FIG4: variants seen among roughly 807,000 people sequenced by gnomAD.
FIG4 encodes the protein FIG4 phosphoinositide 5-phosphatase, also known as polyphosphoinositide phosphatase.
In FIG4, 112 loss-of-function variants were observed where a neutral mutation model predicts 118.6. The observed-to-expected ratio is 0.94, with a 90% CI of 0.81 to 1.11. FIG4 has a LOEUF of 1.11. Among genes scored for constraint, FIG4 ranks in the 50% least tolerant of loss-of-function variants. The pLI is 0.00. For synonymous variants in FIG4, 369 were observed against 381.2 expected (o/e 0.97, Z 0.37); for missense variants, 969 against 1,111.7 (o/e 0.87, Z 1.83).
intron 1 of FIG4, among the ~76,000 whole-genome samples, chr6:109,713,636 C>A (rs6917300): frequency 1.3e-5 from 2 of 151,924 alleles, no homozygotes; most frequent in African/African-American, 4.8e-5. Context: ...CATGCGCACA[C>A]GTGCACTGGT....
intron 1 of FIG4, among the ~76,000 whole-genome samples, chr6:109,714,089 G>T (rs538921003): frequency 2.2e-4 from 33 of 152,292 alleles, no homozygotes; most frequent in African/African-American, 7.9e-4. Context: ...ATAAGCCAGC[G>T]TGTTGCCCCT....
chr6:109,705,540 C>A (rs1775041551), intron 1 of FIG4, among the ~76,000 whole-genome samples: 1 of 152,190 alleles, frequency 6.6e-6, no homozygotes, highest in South Asian at 2.1e-4. Flanking sequence ...TGATCTATTT[C>A]CAGATTCTGT....
chr6:109,704,135 C>T (rs988276414), intron 1 of FIG4, among the ~76,000 whole-genome samples: 1 of 152,152 alleles, frequency 6.6e-6, no homozygotes, highest in South Asian at 2.1e-4. Context: ...CCAGTCATCT[C>T]GACATCAGTA....
At chr6:109,724,801 CTT>C (rs1402648851) in intron 3 of FIG4, among the ~76,000 whole-genome samples, 1 of 128,352 alleles carries the variant, frequency 7.8e-6, no homozygotes, top group Non-Finnish European at 1.7e-5. Flanking sequence ...TTTTATAATC[CTT>C]TGTGTGTGTG....
At chr6:109,729,913 C>G (rs1775940083) in intron 4 of FIG4, among the ~76,000 whole-genome samples, 1 of 152,010 alleles carries the variant, frequency 6.6e-6, no homozygotes, top group Non-Finnish European at 1.5e-5. Flanking sequence ...ATAACAAAAG[C>G]TATCCAAAAC....
At chr6:109,756,726 A>C (rs1181036361) in intron 10 of FIG4, among the ~76,000 whole-genome samples, 5 of 152,140 alleles carry the variant, frequency 3.3e-5, no homozygotes, top group Non-Finnish European at 4.4e-5. Context: ...AGTTGATCAC[A>C]TCGTCTCCTG....
intron 22 of FIG4, among the ~76,000 whole-genome samples, chr6:109,818,198 A>G (rs1331119518): frequency 4.7e-5 from 7 of 150,412 alleles, no homozygotes; most frequent in Non-Finnish European, 1.0e-4. Context: ...CGCTATTCAC[A>G]TAACTTTTTT....
At chr6:109,772,832 T>G (rs1419511970) in intron 15 of FIG4, among the ~76,000 whole-genome samples, 1 of 152,210 alleles carries the variant, frequency 6.6e-6, no homozygotes, top group African/African-American at 2.4e-5. Context: ...ATCTTAGAGT[T>G]TCTGAGGATC....
At chr6:109,743,072 A>G (rs1776373558) in intron 8 of FIG4, 38 bp from the exon 9 acceptor site, 4 of 1,550,824 alleles carry the variant, frequency 2.6e-6, no homozygotes, top group Non-Finnish European at 3.6e-6. Flanking sequence ...AACATTTCTA[A>G]TAACATAAAA....
intron 1 of FIG4, among the ~76,000 whole-genome samples, chr6:109,699,541 C>T (rs1256825693): frequency 1.4e-4 from 19 of 135,502 alleles, no homozygotes; most frequent in East Asian, 8.7e-4. Context: ...CTTGCTGTGT[C>T]GCCCAGGCTG....
intron 22 of FIG4, among the ~76,000 whole-genome samples, chr6:109,812,662 G>A (rs909039878): frequency 3.9e-5 from 6 of 152,160 alleles, no homozygotes; most frequent in Non-Finnish European, 7.3e-5. Context: ...TGATGAGAGT[G>A]TTTCTGTGGG....
chr6:109,692,827 A>C (rs931488814), intron 1 of FIG4, among the ~76,000 whole-genome samples: 4 of 151,966 alleles, frequency 2.6e-5, no homozygotes, highest in Admixed American at 6.6e-5. Context: ...CAGCCTCCCA[A>C]GTAGCTAGGA....
chr6:109,757,431 A>C (rs1254611715), intron 10 of FIG4, among the ~76,000 whole-genome samples: 1 of 152,190 alleles, frequency 6.6e-6, no homozygotes, highest in Non-Finnish European at 1.5e-5. Context: ...TCATGCTAAA[A>C]ACTCTCAACT....
intron 4 of FIG4, among the ~76,000 whole-genome samples, chr6:109,728,846 A>C (rs1775897206): frequency 6.6e-6 from 1 of 152,188 alleles, no homozygotes; most frequent in Non-Finnish European, 1.5e-5. Flanking sequence ...AATGTTGTTT[A>C]TAAGTCTCAT....
intron 10 of FIG4, among the ~76,000 whole-genome samples, chr6:109,757,293 G>A (rs1158010646): frequency 1.3e-5 from 2 of 152,088 alleles, no homozygotes; most frequent in African/African-American, 2.4e-5. Flanking sequence ...TCATCCTTGG[G>A]ATGCAAGGCT....
intron 4 of FIG4, among the ~76,000 whole-genome samples, chr6:109,729,368 G>T (rs892776233): frequency 6.6e-6 from 1 of 152,070 alleles, no homozygotes; most frequent in Admixed American, 6.5e-5. Context: ...ATCCAAAATT[G>T]TTCTTAGAAG....
Position 109,791,451 on chromosome 6 carries a change from G to C in FIG4, c.2256G>C (p.Glu752Asp), listed in dbSNP as rs375960403. The C allele has an allele frequency of 2.2e-5, 35 of 1,613,842 alleles. No individual in the cohort carries two copies. The highest frequency in any genetic ancestry group is 2.8e-5 in the Non-Finnish European group (33 of 1,180,028). The part of the protein sequence containing the change: ...AASAPPPPSE[E>D]AVSSSSEDDS... ...GCGCCCCGCCGCCCCCCAGCGAGGAGGCTGTGTCCAGCAGCTCTGAGGATG... is the reference window on the plus strand; with the variant it reads ...GCGCCCCGCCGCCCCCCAGCGAGGACGCTGTGTCCAGCAGCTCTGAGGATG... Residue 752 changes from glutamate to aspartate, a missense_variant, in exon 20 of 23, where the codon GAG becomes GAC. Physicochemically the swap from Glu to Asp is conservative, Grantham distance 45. Coordinates refer to ENST00000230124, the MANE Select transcript of FIG4 (RefSeq NM_014845.6).
intron 14 of FIG4, among the ~76,000 whole-genome samples, chr6:109,766,055 A>G (rs1777270378): frequency 2.6e-5 from 4 of 152,100 alleles, no homozygotes; most frequent in Admixed American, 2.6e-4. Flanking sequence ...CTAACCCCCA[A>G]ATGGTTGGTA....
At chr6:109,700,167 AT>A (rs1198833806) in intron 1 of FIG4, among the ~76,000 whole-genome samples, 1 of 152,246 alleles carries the variant, frequency 6.6e-6, no homozygotes, top group Non-Finnish European at 1.5e-5. Context: ...CAATCAACTT[AT>A]CTTTCTCTAG....
Sources: gnomAD v4.1 joint callset for allele counts (sites outside exome capture counted in the v4.1 genomes callset) on GRCh38, gnomAD v4.1.1 for gene constraint, MANE v1.5 for transcripts, NCBI Gene and HGNC (gene_info 2026-07-23, HGNC 2026-07-21) for gene names.